Variants in RBFOX1 observed in about 807,000 individuals in gnomAD.
RBFOX1 encodes RNA binding protein fox-1 homolog 1.
A neutral mutation model predicts 57.7 loss-of-function variants in RBFOX1; 8 were observed. The ratio of observed to expected loss-of-function variants is 0.14; its 90% CI spans 0.08 to 0.25. The LOEUF (loss-of-function observed/expected upper bound fraction) is 0.25, where lower values mean the gene tolerates loss of function less well. Ranked by LOEUF, RBFOX1 falls within the 10% of genes least tolerant of loss-of-function variation. The pLI, the probability that RBFOX1 is intolerant of heterozygous loss-of-function variation, is 1.00. For synonymous variants in RBFOX1, 326 were observed against 222.4 expected, an observed-to-expected ratio of 1.47 and a Z score of -4.15; for missense variants, 611 against 548.5, an observed-to-expected ratio of 1.11 and a Z score of -1.14.
intron 4 of RBFOX1, among the ~76,000 whole-genome samples, chr16:7,338,093 C>T (rs925116283): frequency 7.2e-5 from 11 of 152,260 alleles, no homozygotes; most frequent in African/African-American, 2.6e-4. Flanking sequence ...GCAGGGTGTG[C>T]AGGTTTGTTA....
At chr16:5,633,467 C>T in intron 3 of RBFOX1, among the ~76,000 whole-genome samples, 1 of 152,142 alleles carries the variant, frequency 6.6e-6, no homozygotes, top group African/African-American at 2.4e-5. Context: ...ACTCTCTACC[C>T]AATATGTAGT....
intron 5 of RBFOX1, among the ~76,000 whole-genome samples, chr16:7,573,846 G>A (rs1015949872): frequency 1.4e-5 from 2 of 142,424 alleles, no homozygotes; most frequent in South Asian, 2.3e-4. Flanking sequence ...AAAAAAAAAA[G>A]AGGTCAAATA....
At chr16:5,534,781 T>A (rs2044631591) in intron 2 of RBFOX1, among the ~76,000 whole-genome samples, 1 of 152,188 alleles carries the variant, frequency 6.6e-6, no homozygotes, top group African/African-American at 2.4e-5. Context: ...TAGGCATCCT[T>A]AGATCTAAGA....
At chr16:5,508,255 G>A (rs1027690231) in intron 2 of RBFOX1, among the ~76,000 whole-genome samples, 11 of 152,302 alleles carry the variant, frequency 7.2e-5, no homozygotes, top group Admixed American at 2.6e-4. Flanking sequence ...TCTGAGGCTC[G>A]TCTGGGTGGA....
At chr16:7,126,574 G>C (rs2068612620) in intron 4 of RBFOX1, 1 of 199,516 alleles carries the variant, frequency 5.0e-6, no homozygotes, top group African/African-American at 2.3e-5. Flanking sequence ...AGTTCGTGCA[G>C]CAAATAGGCT....
At chr16:5,424,651 A>C (rs1677246660) in intron 1 of RBFOX1, among the ~76,000 whole-genome samples, 1 of 152,068 alleles carries the variant, frequency 6.6e-6, no homozygotes, top group African/African-American at 2.4e-5. Context: ...AAACCTGCAC[A>C]TCCTGCACGT....
intron 1 of RBFOX1, among the ~76,000 whole-genome samples, chr16:6,081,158 A>T (rs559886384): frequency 6.6e-6 from 1 of 152,296 alleles, no homozygotes; most frequent in East Asian, 1.9e-4. Context: ...TTTCAGATAC[A>T]CTTTAGCAGA....
intron 4 of RBFOX1, among the ~76,000 whole-genome samples, chr16:7,080,437 A>C (rs1202738272): frequency 6.6e-6 from 1 of 152,176 alleles, no homozygotes; most frequent in Non-Finnish European, 1.5e-5. Context: ...GTGCCAAAGT[A>C]ATGACTGTTT....
intron 2 of RBFOX1, among the ~76,000 whole-genome samples, chr16:6,533,545 T>G (rs2096690733): frequency 2.0e-5 from 3 of 152,052 alleles, no homozygotes; most frequent in Admixed American, 2.0e-4. Context: ...ACCTAGCCCC[T>G]TAAGACCCAA....
chr16:5,651,982 A>C lies in RBFOX1; in HGVS notation c.318+53021A>C, dbSNP rs149151843. On this transcript the variant is annotated intron_variant, in intron 3 of 19. Transcript: ENST00000641259. The stretch of plus-strand genomic sequence containing the variant: ...ACCCCATTTCTACTAAAGAAAGAAA[A>C]AAATAGCCGGGCTTGGTGACACATG... Among the ~76,000 whole-genome samples, 1,122 of 152,232 alleles carry C rather than the reference A, an allele frequency of 7.4e-3. 13 individuals are homozygous for C. The highest frequency in any genetic ancestry group is 0.025 in the African/African-American group (1,057 of 41,540).
At chr16:6,176,855 C>T (rs2097015033) in intron 1 of RBFOX1, among the ~76,000 whole-genome samples, 1 of 152,062 alleles carries the variant, frequency 6.6e-6, no homozygotes, top group Admixed American at 6.6e-5. Context: ...CCTAAGTTGC[C>T]TCCAGCAAGC....
At chr16:6,492,451 C>A (rs916489240) in intron 2 of RBFOX1, among the ~76,000 whole-genome samples, 4 of 152,110 alleles carry the variant, frequency 2.6e-5, no homozygotes, top group Admixed American at 2.0e-4. Context: ...GCCTGTTAGT[C>A]CCAGCTATTC....
intron 2 of RBFOX1, among the ~76,000 whole-genome samples, chr16:5,499,123 G>C (rs2043103039): frequency 6.6e-6 from 1 of 152,160 alleles, no homozygotes; most frequent in African/African-American, 2.4e-5. Context: ...ATTTCCCTCA[G>C]CTTTTTGTTC....
chr16:5,708,469 G>C (rs1209358999), intron 3 of RBFOX1, among the ~76,000 whole-genome samples: 1 of 152,108 alleles, frequency 6.6e-6, no homozygotes, highest in Non-Finnish European at 1.5e-5. Flanking sequence ...ATAATTTCAG[G>C]CTATTAGTAG....
intron 1 of RBFOX1, among the ~76,000 whole-genome samples, chr16:6,036,954 C>A (rs1381458508): frequency 6.6e-6 from 1 of 152,098 alleles, no homozygotes; most frequent in Admixed American, 6.6e-5. Flanking sequence ...GATACTACAG[C>A]CCAACCACTT....
At chr16:7,080,537 C>A (rs932949619) in intron 4 of RBFOX1, among the ~76,000 whole-genome samples, 1 of 152,138 alleles carries the variant, frequency 6.6e-6, no homozygotes, top group African/African-American at 2.4e-5. Context: ...ATCACCATCC[C>A]TGTAGTCACT....
intron 2 of RBFOX1, among the ~76,000 whole-genome samples, chr16:6,486,082 C>CTTTTTTTTTTTGTTT (rs2095475574): frequency 1.6e-5 from 1 of 62,966 alleles, no homozygotes; most frequent in African/African-American, 7.0e-5. Context: ...CAGTAAAAGG[C>CTTTTTTTTTTTGTTT]TTTTTTTTTT....
intron 1 of RBFOX1, among the ~76,000 whole-genome samples, chr16:5,262,966 C>G (rs1195082032): frequency 1.3e-5 from 2 of 152,026 alleles, no homozygotes; most frequent in East Asian, 3.9e-4. Context: ...TCTGGAGGAT[C>G]TTTACTTCTA....
chr16:7,320,519 A>G (rs1031239953), intron 4 of RBFOX1, among the ~76,000 whole-genome samples: 1 of 152,148 alleles, frequency 6.6e-6, no homozygotes, highest in African/African-American at 2.4e-5. Context: ...TGCTATTGTG[A>G]TTAGTGCTGT....
Sources: gnomAD v4.1 joint callset for allele counts (sites outside exome capture counted in the v4.1 genomes callset) on GRCh38, gnomAD v4.1.1 for gene constraint, MANE v1.5 for transcripts, NCBI Gene and HGNC (gene_info 2026-07-23, HGNC 2026-07-21) for gene names.